The following RPS4Y1 variants were observed in gnomAD, a reference collection of about 807,000 sequenced individuals.
RPS4Y1 encodes the protein ribosomal protein S4 Y-linked 1, also known as small ribosomal subunit protein eS4, Y isoform 1.
For synonymous variants in RPS4Y1, 23 were observed against 20.8 expected (o/e 1.10, Z -0.28); for missense variants, 30 against 60.9 (o/e 0.49, Z 1.69).
intron 4 of RPS4Y1, among the ~76,000 whole-genome samples, chrY:2,853,163 A>G (rs2051157291): frequency 9.0e-5 from 3 of 33,344 alleles, no homozygotes; most frequent in Non-Finnish European, 2.2e-4. Flanking sequence ...AGAAGCTGGC[A>G]AACCTAGTTA....
chrY:2,854,791 T>C lies in RPS4Y1; in HGVS notation c.532+20T>C. On this transcript the variant is annotated intron_variant, in intron 5 of 6. Coordinates refer to ENST00000250784, the MANE Select transcript of RPS4Y1 (RefSeq NM_001008.4). ...ATACAGGTAAGTTTTTTTTTTCCCTTGTGTTGTCTGCCACCTCCCTCTTTG... is the reference window on the plus strand; with the variant it reads ...ATACAGGTAAGTTTTTTTTTTCCCTCGTGTTGTCTGCCACCTCCCTCTTTG... 1.8e-5 allele frequency: 6 copies of C among 335,832 alleles called. No homozygotes were observed. Among genetic ancestry groups the C allele is most frequent in the Non-Finnish European group, 2.6e-5 (6 of 229,145 alleles). 83.8% of individuals were successfully genotyped at this position (335,832 alleles called of 400,897 possible).
intron 5 of RPS4Y1, among the ~76,000 whole-genome samples, chrY:2,862,269 C>A: frequency 3.1e-5 from 1 of 32,396 alleles, no homozygotes; most frequent in Non-Finnish European, 7.5e-5. Flanking sequence ...TTGTCCATAA[C>A]CTTCCTCTCA....
chrY:2,847,166 G>A, intron 4 of RPS4Y1, among the ~76,000 whole-genome samples: 1 of 33,753 alleles, frequency 3.0e-5, no homozygotes, highest in Non-Finnish European at 7.3e-5. Context: ...AGGACACAGC[G>A]AGTTCAGAGT....
chrY:2,848,516 T>C, intron 4 of RPS4Y1, among the ~76,000 whole-genome samples: 1 of 33,652 alleles, frequency 3.0e-5, no homozygotes, highest in Non-Finnish European at 7.4e-5. Flanking sequence ...CAGCGTAGAA[T>C]GCTCTCAGGG....
chrY:2,842,386 C>T, intron 2 of RPS4Y1, 144 bp downstream of exon 2: 1 of 157,633 alleles, frequency 6.3e-6, no homozygotes, highest in Non-Finnish European at 1.2e-5. Flanking sequence ...CTTCCCGCAC[C>T]CTGAACTTGT....
chrY:2,862,265 A>G (rs2051164246), intron 5 of RPS4Y1, among the ~76,000 whole-genome samples: 1 of 32,746 alleles, frequency 3.1e-5, no homozygotes, highest in Non-Finnish European at 7.5e-5. Context: ...TGCTTTGTCC[A>G]TAACCTTCCT....
chrY:2,852,298 G>A, intron 4 of RPS4Y1, among the ~76,000 whole-genome samples: 1 of 33,707 alleles, frequency 3.0e-5, no homozygotes, highest in Non-Finnish European at 7.4e-5. Flanking sequence ...CAGGGCAGCC[G>A]GAAAGGAGGA....
intron 5 of RPS4Y1, among the ~76,000 whole-genome samples, chrY:2,861,875 A>G (rs2051163836): frequency 6.6e-5 from 2 of 30,403 alleles, no homozygotes; most frequent in South Asian, 1.5e-3. Context: ...CAGCCTCCCA[A>G]AGTGATGGGA....
chrY:2,863,397 C>T, intron 5 of RPS4Y1, among the ~76,000 whole-genome samples: 1 of 32,985 alleles, frequency 3.0e-5, no homozygotes, highest in Non-Finnish European at 7.5e-5. Context: ...CATGAGGGTT[C>T]TGGAGAATGA....
At chrY:2,863,777 T>A in intron 5 of RPS4Y1, among the ~76,000 whole-genome samples, 1 of 34,094 alleles carries the variant, frequency 2.9e-5, no homozygotes, top group Non-Finnish European at 7.3e-5. Context: ...CCAAGTACAC[T>A]GACTTAAGAA....
chrY:2,857,244 CT>C (rs2051160572), intron 5 of RPS4Y1, among the ~76,000 whole-genome samples: 1 of 33,563 alleles, frequency 3.0e-5, no homozygotes, highest in African/African-American at 1.2e-4. Context: ...AACTTTGCCA[CT>C]TTCTCCTTTC....
In RPS4Y1 at chrY:2,842,143, C is replaced by G. The variant is rs747452036; in HGVS notation, c.4-22C>G. 7 of 391,881 alleles carry G rather than the reference C, an allele frequency of 1.8e-5. No homozygotes were observed. The African/African-American group carries it at 4.5e-4, about 25-fold the overall frequency. On this transcript the variant is annotated intron_variant, in intron 1 of 6. Coordinates refer to ENST00000250784, the MANE Select transcript of RPS4Y1 (RefSeq NM_001008.4). ...TCACTGTCAGCGGAAACTAATTTCTCTGAGTTTCGTGTCCTTTTCAGGCCC... is the reference window on the plus strand; with the variant it reads ...TCACTGTCAGCGGAAACTAATTTCTGTGAGTTTCGTGTCCTTTTCAGGCCC...
chrY:2,855,167 A>G (rs2051159099), intron 5 of RPS4Y1, among the ~76,000 whole-genome samples: 1 of 33,831 alleles, frequency 3.0e-5, no homozygotes, highest in Admixed American at 2.7e-4. Flanking sequence ...AGATGTGTCT[A>G]CAGCTTTGTT....
At chrY:2,852,938 T>C in intron 4 of RPS4Y1, among the ~76,000 whole-genome samples, 1 of 33,994 alleles carries the variant, frequency 2.9e-5, no homozygotes, top group Non-Finnish European at 7.3e-5. Context: ...TTAGCTGACA[T>C]TTACTGCTTT....
At chrY:2,848,297 G>A in intron 4 of RPS4Y1, among the ~76,000 whole-genome samples, 1 of 33,459 alleles carries the variant, frequency 3.0e-5, no homozygotes, top group Non-Finnish European at 7.4e-5. Flanking sequence ...CATGAGTGGG[G>A]AGACTAGTGC....
intron 4 of RPS4Y1, among the ~76,000 whole-genome samples, chrY:2,848,895 G>A: frequency 3.1e-5 from 1 of 32,340 alleles, no homozygotes; most frequent in Admixed American, 2.8e-4. Context: ...ATAATGTGTA[G>A]TTATTTTTAT....
chrY:2,857,597 G>A (rs2051160847), intron 5 of RPS4Y1, among the ~76,000 whole-genome samples: 1 of 33,378 alleles, frequency 3.0e-5, no homozygotes, highest in Non-Finnish European at 7.4e-5. Context: ...TGTATTTTTA[G>A]TAGAGATGGG....
At chrY:2,846,868 G>T in intron 4 of RPS4Y1, among the ~76,000 whole-genome samples, 1 of 33,638 alleles carries the variant, frequency 3.0e-5, no homozygotes, top group South Asian at 6.6e-4. Flanking sequence ...TAAGTAGGGG[G>T]AGATGGAGTG....
intron 5 of RPS4Y1, among the ~76,000 whole-genome samples, chrY:2,857,437 AAG>A (rs2051160682): frequency 3.0e-5 from 1 of 33,447 alleles, no homozygotes; most frequent in Non-Finnish European, 7.4e-5. Context: ...CTTTTTTTGA[AAG>A]AGTTTCACTC....
Sources: gnomAD v4.1 joint callset for allele counts (sites outside exome capture counted in the v4.1 genomes callset) on GRCh38, gnomAD v4.1.1 for gene constraint, MANE v1.5 for transcripts, NCBI Gene and HGNC (gene_info 2026-07-23, HGNC 2026-07-21) for gene names.